Variants in CSMD1 observed in about 807,000 individuals in gnomAD.
The protein encoded by CSMD1 is CUB and sushi domain-containing protein 1.
In CSMD1, 213 loss-of-function variants were observed where a neutral mutation model predicts 417.5. The observed-to-expected ratio is 0.51, with a 90% confidence interval of 0.46 to 0.57. The LOEUF is 0.57. Ranked by LOEUF, CSMD1 falls within the 20% of genes least tolerant of loss-of-function variation. CSMD1 has a pLI of 0.00. For missense variants in CSMD1, 6,923 were observed against 4,529.7 expected, an observed-to-expected ratio of 1.53 and a Z score of -15.17; for synonymous variants, 2,862 against 1,736.8, an observed-to-expected ratio of 1.65 and a Z score of -16.11.
intron 7 of CSMD1, among the ~76,000 whole-genome samples, chr8:3,688,659 A>C (rs1049332945): frequency 2.6e-5 from 4 of 152,218 alleles, no homozygotes; most frequent in African/African-American, 9.7e-5. Context: ...CAGTGAAATG[A>C]AATTTCGTGG....
At chr8:3,555,755 A>C (rs1391576248) in intron 10 of CSMD1, among the ~76,000 whole-genome samples, 2 of 152,184 alleles carry the variant, frequency 1.3e-5, no homozygotes, top group Non-Finnish European at 2.9e-5. Context: ...TTCATTCTGT[A>C]TCTCTAATTT....
intron 21 of CSMD1, among the ~76,000 whole-genome samples, chr8:3,353,718 A>G (rs553170840): frequency 5.3e-5 from 8 of 152,180 alleles, no homozygotes; most frequent in African/African-American, 1.9e-4. Flanking sequence ...TTCATTTTAA[A>G]AAAGTTTTTC....
chr8:3,949,915 G>A (rs539551308), intron 5 of CSMD1: 6 of 455,932 alleles, frequency 1.3e-5, no homozygotes, highest in Admixed American at 9.4e-5. Flanking sequence ...AGCTCCAGGT[G>A]TTGAGGCAGG....
chr8:3,140,230 A>G (rs1197183150), intron 41 of CSMD1, among the ~76,000 whole-genome samples: 1 of 152,164 alleles, frequency 6.6e-6, no homozygotes, highest in Non-Finnish European at 1.5e-5. Flanking sequence ...TAGGAGGTAC[A>G]TTCTCTTCCA....
At chr8:4,110,858 T>C (rs1368476968) in intron 3 of CSMD1, among the ~76,000 whole-genome samples, 5 of 152,116 alleles carry the variant, frequency 3.3e-5, no homozygotes, top group Non-Finnish European at 7.4e-5. Context: ...GAGACTTTTT[T>C]CCTTGAAGAG....
intron 5 of CSMD1, among the ~76,000 whole-genome samples, chr8:3,837,348 C>T (rs759056281): frequency 2.0e-5 from 3 of 152,076 alleles, no homozygotes; most frequent in African/African-American, 4.8e-5. Context: ...GAGCCCCAGG[C>T]TGGAGCTATA....
chr8:3,608,680 C>T (rs913103981), intron 8 of CSMD1, among the ~76,000 whole-genome samples: 10 of 150,522 alleles, frequency 6.6e-5, no homozygotes, highest in African/African-American at 2.2e-4. Context: ...AGGAGAATTG[C>T]TTGAACTTGA....
At chr8:3,127,101 C>T (rs1817549876) in intron 41 of CSMD1, among the ~76,000 whole-genome samples, 2 of 152,178 alleles carry the variant, frequency 1.3e-5, no homozygotes, top group South Asian at 4.1e-4. Flanking sequence ...AGATTCAGGT[C>T]CTAGTTTCTA....
Position 4,525,890 on chromosome 8 carries a change from T to C in CSMD1, c.303-105825A>G, listed in dbSNP as rs536770477. Among the ~76,000 whole-genome samples, 6 of 152,270 alleles carry C rather than the reference T, an allele frequency of 3.9e-5. No individual in the cohort carries two copies. In the East Asian group the frequency reaches 9.7e-4, roughly 25 times the overall value. On this transcript the variant is annotated intron_variant, in intron 2 of 69. Transcript: ENST00000635120. ...ATTCTTCCAGTCCCACATGCATTTATTGAATGATAAGTGCAGGCCTTAGTA... is the reference window on the plus strand; with the variant it reads ...ATTCTTCCAGTCCCACATGCATTTACTGAATGATAAGTGCAGGCCTTAGTA...
At chr8:3,538,872 G>A (rs1268081849) in intron 10 of CSMD1, among the ~76,000 whole-genome samples, 2 of 152,112 alleles carry the variant, frequency 1.3e-5, no homozygotes, top group Non-Finnish European at 2.9e-5. Context: ...GTTCCTAGTT[G>A]TTCTCTGCTC....
chr8:3,682,375 G>C (rs539197440), intron 7 of CSMD1, among the ~76,000 whole-genome samples: 1 of 152,136 alleles, frequency 6.6e-6, no homozygotes, highest in African/African-American at 2.4e-5. Context: ...TCAACAAGTG[G>C]GTGAAGGACA....
chr8:3,185,197 G>A (rs556589431), intron 36 of CSMD1, among the ~76,000 whole-genome samples: 1 of 152,344 alleles, frequency 6.6e-6, no homozygotes, highest in Non-Finnish European at 1.5e-5. Flanking sequence ...TGAAGTGCAC[G>A]AACTCCGTGC....
rs145457629 is a variant in CSMD1 at position 3,320,125 on chromosome 8, G to T, written c.3632-11622C>A. Among the ~76,000 whole-genome samples, 1,370 of 152,314 alleles carry T rather than the reference G, an allele frequency of 9.0e-3. 15 individuals are homozygous for T. The highest frequency in any genetic ancestry group is 0.015 in the Non-Finnish European group (990 of 68,018). Reference sequence around the variant, plus strand: ...TGCTCTGTGCCACACAATTCATCAGGCAGGTTTGTCTGTGCTGTCCCATAT... The same window carrying T: ...TGCTCTGTGCCACACAATTCATCAGTCAGGTTTGTCTGTGCTGTCCCATAT... On this transcript the variant is annotated intron_variant, in intron 23 of 69. Coordinates refer to ENST00000635120, the MANE Select transcript of CSMD1 (RefSeq NM_033225.6).
At chr8:3,690,644 A>G (rs954925205) in intron 7 of CSMD1, among the ~76,000 whole-genome samples, 4 of 152,172 alleles carry the variant, frequency 2.6e-5, no homozygotes, top group African/African-American at 9.7e-5. Context: ...ATATTCTTTC[A>G]CTAATTTGTC....
chr8:3,985,474 T>TA (rs1488581600), intron 5 of CSMD1, among the ~76,000 whole-genome samples: 2 of 152,130 alleles, frequency 1.3e-5, no homozygotes, highest in Non-Finnish European at 1.5e-5. Context: ...TTTTAGAACA[T>TA]AATTGCTGCT....
chr8:4,547,024 T>A (rs1016525149), intron 2 of CSMD1, among the ~76,000 whole-genome samples: 9 of 152,108 alleles, frequency 5.9e-5, no homozygotes, highest in African/African-American at 1.9e-4. Context: ...TACCCAGACA[T>A]CTTCTTTGAG....
intron 3 of CSMD1, among the ~76,000 whole-genome samples, chr8:4,138,205 A>C (rs1466091059): frequency 2.7e-4 from 19 of 69,452 alleles, no homozygotes; most frequent in African/African-American, 7.2e-4. Flanking sequence ...GCAGCCTTAC[A>C]TTTTTTTTTT....
intron 5 of CSMD1, among the ~76,000 whole-genome samples, chr8:3,945,915 G>T (rs367992247): frequency 2.6e-5 from 4 of 152,092 alleles, no homozygotes; most frequent in Non-Finnish European, 5.9e-5. Context: ...TCAAGACGTG[G>T]CTCCAACTAA....
At chr8:3,236,859 G>T (rs566709683) in intron 26 of CSMD1, among the ~76,000 whole-genome samples, 168 of 152,222 alleles carry the variant, frequency 1.1e-3, no homozygotes, top group African/African-American at 4.0e-3. Flanking sequence ...AAAAGGCAGC[G>T]CTGTTCCTGA....
Sources: allele counts gnomAD v4.1 joint callset (sites outside exome capture counted in the v4.1 genomes callset), GRCh38; gene constraint gnomAD v4.1.1; transcripts MANE v1.5; gene names NCBI Gene and HGNC (gene_info 2026-07-23, HGNC 2026-07-21).